The following ROBO1 variants were observed in gnomAD, a reference collection of about 807,000 sequenced individuals.
ROBO1 encodes the protein roundabout guidance receptor 1, also known as roundabout homolog 1.
Under a neutral mutation model 195.9 loss-of-function variants are expected in ROBO1, and 149 were observed. That is an observed-to-expected ratio of 0.76 (90% CI 0.67 to 0.87). The LOEUF (loss-of-function observed/expected upper bound fraction) is 0.87, where lower values mean the gene tolerates loss of function less well. Ranked by LOEUF, ROBO1 falls within the 40% of genes least tolerant of loss-of-function variation. The pLI, the probability that ROBO1 is intolerant of heterozygous loss-of-function variation, is 0.00. For missense variants in ROBO1, 1,933 were observed against 2,068.3 expected (o/e 0.93, Z 1.27); for synonymous variants, 816 against 733.2 (o/e 1.11, Z -1.82).
intron 3 of ROBO1, among the ~76,000 whole-genome samples, chr3:78,942,801 G>C (rs1042305613): frequency 1.1e-4 from 17 of 152,128 alleles, no homozygotes; most frequent in Non-Finnish European, 2.9e-5. Context: ...CAGCTACTCA[G>C]GAGGCTGAGG....
chr3:79,270,522 T>C (rs2030451877), intron 2 of ROBO1, among the ~76,000 whole-genome samples: 1 of 151,782 alleles, frequency 6.6e-6, no homozygotes, highest in Non-Finnish European at 1.5e-5. Context: ...CAGTTTTTTT[T>C]TTCCCCCAGG....
At chr3:79,038,706 G>T (rs1282396077) in intron 3 of ROBO1, among the ~76,000 whole-genome samples, 1 of 144,014 alleles carries the variant, frequency 6.9e-6, no homozygotes, top group Non-Finnish European at 1.5e-5. Flanking sequence ...TGCAAGCAAA[G>T]TCCAATTTAA....
chr3:78,890,112 A>G lies in ROBO1; in HGVS notation c.499+48489T>C, dbSNP rs192620946. The stretch of plus-strand genomic sequence containing the variant: ...AGCTCTTAATAGCCATCTTTTTCCC[A>G]TTACAGTATAAGATTTGTAAGGACA... On this transcript the variant is annotated intron_variant, in intron 4 of 30. Transcript: ENST00000464233. Among the ~76,000 whole-genome samples the G allele has an allele frequency of 2.2e-3, 330 of 152,126 alleles. 1 individual carries two copies. The highest frequency in any genetic ancestry group is 7.6e-3 in the African/African-American group (314 of 41,518).
intron 3 of ROBO1, among the ~76,000 whole-genome samples, chr3:79,118,238 T>TC: frequency 6.6e-6 from 1 of 151,720 alleles, no homozygotes; most frequent in East Asian, 1.9e-4. Flanking sequence ...TGTGTGGGTT[T>TC]TTTTTTTTTT....
At chr3:79,658,763 C>G (rs1946243532) in intron 1 of ROBO1, among the ~76,000 whole-genome samples, 1 of 151,244 alleles carries the variant, frequency 6.6e-6, no homozygotes, top group Admixed American at 6.6e-5. Context: ...CTTAGTTATT[C>G]AAAATCTATT....
intron 2 of ROBO1, among the ~76,000 whole-genome samples, chr3:79,363,652 A>G (rs1175705241): frequency 6.6e-6 from 1 of 152,218 alleles, no homozygotes; most frequent in Non-Finnish European, 1.5e-5. Context: ...AAACATATGC[A>G]TATGTACCCA....
chr3:79,744,824 C>T (rs1368231118), intron 1 of ROBO1, among the ~76,000 whole-genome samples: 2 of 151,994 alleles, frequency 1.3e-5, no homozygotes, highest in African/African-American at 2.4e-5. Flanking sequence ...ACAGTTACTA[C>T]ATTTTTACAA....
chr3:78,959,308 T>C (rs1163256152), intron 3 of ROBO1, among the ~76,000 whole-genome samples: 1 of 152,168 alleles, frequency 6.6e-6, no homozygotes, highest in Non-Finnish European at 1.5e-5. Context: ...ATTGTCACAT[T>C]ACTATCATAT....
chr3:79,324,995 T>C (rs1291387792), intron 2 of ROBO1, among the ~76,000 whole-genome samples: 5 of 152,124 alleles, frequency 3.3e-5, no homozygotes, highest in Admixed American at 2.6e-4. Flanking sequence ...ACAGAGTCAA[T>C]AGTGGAAGGA....
intron 5 of ROBO1, among the ~76,000 whole-genome samples, chr3:78,745,539 T>C (rs2082637032): frequency 6.6e-6 from 1 of 152,166 alleles, no homozygotes; most frequent in African/African-American, 2.4e-5. Flanking sequence ...CTGTTATCAC[T>C]AACAAGAAAA....
intron 2 of ROBO1, among the ~76,000 whole-genome samples, chr3:79,542,849 G>T (rs1028657339): frequency 6.6e-6 from 1 of 151,836 alleles, no homozygotes; most frequent in African/African-American, 2.4e-5. Flanking sequence ...GCTCTTTAAG[G>T]TAGTAATATC....
intron 2 of ROBO1, among the ~76,000 whole-genome samples, chr3:79,250,557 T>A (rs1160998906): frequency 6.6e-6 from 1 of 150,908 alleles, no homozygotes. Flanking sequence ...AAATTTATAA[T>A]GTGTGTGGGG....
At chr3:79,284,467 G>A (rs1365849439) in intron 2 of ROBO1, among the ~76,000 whole-genome samples, 1 of 151,750 alleles carries the variant, frequency 6.6e-6, no homozygotes, top group African/African-American at 2.4e-5. Flanking sequence ...GTGTATCCTG[G>A]AACTTAAAGT....
chr3:79,557,159 TA>T (rs1216445369), intron 2 of ROBO1, among the ~76,000 whole-genome samples: 1 of 151,944 alleles, frequency 6.6e-6, no homozygotes, highest in Non-Finnish European at 1.5e-5. Flanking sequence ...TTAAAATTAT[TA>T]AATTAATCTT....
intron 4 of ROBO1, among the ~76,000 whole-genome samples, chr3:78,910,433 C>A (rs928145090): frequency 6.6e-6 from 1 of 151,812 alleles, no homozygotes. Context: ...CAGGAGAAAA[C>A]GTGGGAATGT....
chr3:79,457,859 A>G lies in ROBO1; in HGVS notation c.88+131965T>C, dbSNP rs1006900142. Among the ~76,000 whole-genome samples, 3 of 152,276 alleles carry G rather than the reference A, an allele frequency of 2.0e-5. No individual in the cohort carries two copies. In the East Asian group the frequency reaches 5.8e-4, roughly 29 times the overall value. ...TACCCAGCCTTGGGTATTTCTTCAT[A>G]GCAATATGACGATGAACTAATAGAG... On this transcript the variant is annotated intron_variant, in intron 2 of 30. Coordinates refer to ENST00000464233, the MANE Select transcript of ROBO1 (RefSeq NM_002941.4).
chr3:78,636,942 T>C (rs1705545240), intron 22 of ROBO1, among the ~76,000 whole-genome samples: 1 of 96,804 alleles, frequency 1.0e-5, no homozygotes, highest in Admixed American at 9.1e-5. Context: ...ATTTTATATA[T>C]ATATATATAT....
At chr3:79,683,961 T>C (rs1167792341) in intron 1 of ROBO1, among the ~76,000 whole-genome samples, 1 of 152,108 alleles carries the variant, frequency 6.6e-6, no homozygotes, top group Non-Finnish European at 1.5e-5. Context: ...GTTGGGTATA[T>C]ATTTAGAGTG....
At chr3:79,182,954 G>A (rs1451802270) in intron 2 of ROBO1, among the ~76,000 whole-genome samples, 1 of 151,750 alleles carries the variant, frequency 6.6e-6, no homozygotes, top group African/African-American at 2.4e-5. Flanking sequence ...GGTGGCACGT[G>A]CCTGTAGTCC....
Sources: gnomAD v4.1 joint callset for allele counts (sites outside exome capture counted in the v4.1 genomes callset) on GRCh38, gnomAD v4.1.1 for gene constraint, MANE v1.5 for transcripts, NCBI Gene and HGNC (gene_info 2026-07-23, HGNC 2026-07-21) for gene names.